Variants in KHDRBS3 observed in about 807,000 individuals in gnomAD.
The protein encoded by KHDRBS3 is KH RNA binding domain containing, signal transduction associated 3.
A neutral mutation model predicts 45.6 loss-of-function variants in KHDRBS3; 23 were observed. The ratio of observed to expected loss-of-function variants is 0.50; its 90% CI spans 0.36 to 0.72. The LOEUF is 0.72. Among genes scored for constraint, KHDRBS3 ranks in the 30% least tolerant of loss-of-function variants. The probability of loss-of-function intolerance (pLI) is 0.00; values close to 1 mark genes in which losing one functional copy is unlikely to be tolerated. For synonymous variants in KHDRBS3, 162 were observed against 156.5 expected (o/e 1.04, Z -0.26); for missense variants, 352 against 424.8 (o/e 0.83, Z 1.51).
chr8:135,505,356 T>C (rs1823939476), intron 1 of KHDRBS3, among the ~76,000 whole-genome samples: 2 of 152,174 alleles, frequency 1.3e-5, no homozygotes. Flanking sequence ...TTGGCCTGTC[T>C]ACCACTTCCC....
intron 6 of KHDRBS3, among the ~76,000 whole-genome samples, chr8:135,601,138 A>C (rs1196379864): frequency 6.6e-6 from 1 of 152,230 alleles, no homozygotes; most frequent in African/African-American, 2.4e-5. Context: ...TGAGAGGACT[A>C]AACAGAGAAG....
At chr8:135,603,602 C>T (rs904590510) in intron 6 of KHDRBS3, among the ~76,000 whole-genome samples, 2 of 152,146 alleles carry the variant, frequency 1.3e-5, no homozygotes, top group African/African-American at 4.8e-5. Flanking sequence ...ATTATACATT[C>T]TCATCAAAGT....
chr8:135,552,820 G>A (rs2130813272), intron 4 of KHDRBS3, among the ~76,000 whole-genome samples: 1 of 152,170 alleles, frequency 6.6e-6, no homozygotes, highest in South Asian at 2.1e-4. Context: ...GCACTGCTTA[G>A]TGGACAGCCA....
intron 7 of KHDRBS3, among the ~76,000 whole-genome samples, chr8:135,629,174 A>G (rs1331590994): frequency 6.6e-6 from 1 of 152,250 alleles, no homozygotes. Context: ...ATTCTCTGGC[A>G]AACCTGTGTT....
chr8:135,491,479 A>G (rs2130421742), intron 1 of KHDRBS3, among the ~76,000 whole-genome samples: 1 of 152,330 alleles, frequency 6.6e-6, no homozygotes, highest in Admixed American at 6.5e-5. Flanking sequence ...TTAGGTAAAT[A>G]CTTAGGGCGG....
intron 1 of KHDRBS3, among the ~76,000 whole-genome samples, chr8:135,496,172 GA>G (rs1282726512): frequency 9.1e-6 from 1 of 109,744 alleles, no homozygotes; most frequent in Admixed American, 1.1e-4. Flanking sequence ...AAACTGTAGA[GA>G]GAGGGAAAGG....
chr8:135,484,693 C>G (rs1442015090), intron 1 of KHDRBS3, among the ~76,000 whole-genome samples: 1 of 152,336 alleles, frequency 6.6e-6, no homozygotes, highest in East Asian at 1.9e-4. Flanking sequence ...CACAGCTCCT[C>G]CTATAAGCTG....
intron 1 of KHDRBS3, among the ~76,000 whole-genome samples, chr8:135,508,699 C>T (rs988452091): frequency 5.3e-5 from 8 of 152,214 alleles, no homozygotes; most frequent in Non-Finnish European, 8.8e-5. Context: ...TGAATTAGTC[C>T]GGTGCACTGG....
intron 4 of KHDRBS3, among the ~76,000 whole-genome samples, chr8:135,556,669 A>G (rs1342484452): frequency 6.6e-6 from 1 of 152,150 alleles, no homozygotes; most frequent in Non-Finnish European, 1.5e-5. Flanking sequence ...GACTTCTTGT[A>G]ACAAACTTAC....
intron 6 of KHDRBS3, among the ~76,000 whole-genome samples, chr8:135,586,973 A>G (rs1357170989): frequency 6.6e-6 from 1 of 152,216 alleles, no homozygotes; most frequent in Admixed American, 6.5e-5. Context: ...TTTTCAGATT[A>G]TGTGTACTGC....
At chr8:135,611,837 A>G (rs1375142231) in intron 7 of KHDRBS3, among the ~76,000 whole-genome samples, 1 of 151,824 alleles carries the variant, frequency 6.6e-6, no homozygotes, top group African/African-American at 2.4e-5. Flanking sequence ...CACATACTCT[A>G]ACACCGGTTT....
intron 6 of KHDRBS3, among the ~76,000 whole-genome samples, chr8:135,583,845 C>A (rs1433499616): frequency 2.0e-5 from 3 of 152,014 alleles, no homozygotes; most frequent in African/African-American, 7.3e-5. Flanking sequence ...CTGAAAAATT[C>A]TTGAAAGGTT....
chr8:135,619,125 T>C (rs1453095872), intron 7 of KHDRBS3, among the ~76,000 whole-genome samples: 4 of 152,214 alleles, frequency 2.6e-5, no homozygotes, highest in Non-Finnish European at 5.9e-5. Flanking sequence ...TTTTGTTCAG[T>C]GTTCTGTAAA....
At chr8:135,563,178 T>C (rs1373526967) in intron 5 of KHDRBS3, among the ~76,000 whole-genome samples, 2 of 152,216 alleles carry the variant, frequency 1.3e-5, no homozygotes, top group Non-Finnish European at 2.9e-5. Flanking sequence ...CTTCCTCATA[T>C]GCACTTACAT....
chr8:135,610,076 T>C (rs1472537315), intron 7 of KHDRBS3, among the ~76,000 whole-genome samples: 5 of 151,920 alleles, frequency 3.3e-5, no homozygotes, highest in Non-Finnish European at 5.9e-5. Context: ...TTATAGTCCA[T>C]GTGATCTTCT....
At chr8:135,508,058 T>C (rs918025591) in intron 1 of KHDRBS3, among the ~76,000 whole-genome samples, 4 of 152,212 alleles carry the variant, frequency 2.6e-5, no homozygotes, top group Non-Finnish European at 5.9e-5. Context: ...TGATTTAATG[T>C]CTTAAGTTTC....
At position 135,515,309 on chromosome 8, in the gene KHDRBS3, T is replaced by G; in HGVS notation, c.89-5928T>G. ...TGAACCCGGGAGGCGGAGCTTGCAG[T>G]GAGCCAAGATCACGCCACTGCACTC... On this transcript the variant is annotated intron_variant, in intron 1 of 8. Coordinates refer to ENST00000355849, the MANE Select transcript of KHDRBS3 (RefSeq NM_006558.3). 1.6e-5 allele frequency among the ~76,000 whole-genome samples: 2 copies of G among 127,332 alleles called. 1 individual carries two copies. The highest frequency in any genetic ancestry group is 3.1e-5 in the Non-Finnish European group (2 of 64,226). The allele number at this position is 127,332 out of a possible 152,430, so 83.5% of individuals were successfully genotyped here. A position where few individuals can be genotyped will look rare whatever the true frequency, so the allele number is the denominator to read the frequency against.
chr8:135,580,479 C>A (rs1828149126), intron 5 of KHDRBS3, among the ~76,000 whole-genome samples: 1 of 152,016 alleles, frequency 6.6e-6, no homozygotes, highest in Non-Finnish European at 1.5e-5. Flanking sequence ...CATTATGAAT[C>A]AGAATCAGTC....
intron 5 of KHDRBS3, among the ~76,000 whole-genome samples, chr8:135,578,424 C>T (rs1172451723): frequency 9.6e-5 from 14 of 145,628 alleles, no homozygotes; most frequent in Admixed American, 4.1e-4. Context: ...TAGGTGTCTA[C>T]TTTTTTTTTT....
Sources: gnomAD v4.1 joint callset for allele counts (sites outside exome capture counted in the v4.1 genomes callset) on GRCh38, gnomAD v4.1.1 for gene constraint, MANE v1.5 for transcripts, NCBI Gene and HGNC (gene_info 2026-07-23, HGNC 2026-07-21) for gene names.